Variants in TRAP1 observed in about 807,000 individuals in gnomAD.
The protein encoded by TRAP1 is heat shock protein 75 kDa, mitochondrial.
Under a neutral mutation model 89.1 loss-of-function variants are expected in TRAP1, and 102 were observed. That is an observed-to-expected ratio of 1.15 (90% confidence interval 0.98 to 1.35). The LOEUF (loss-of-function observed/expected upper bound fraction) is 1.35. Ranked by LOEUF, TRAP1 falls within the 40% of genes most tolerant of loss-of-function variation. The probability of loss-of-function intolerance (pLI) is 0.00; values close to 1 mark genes in which losing one functional copy is unlikely to be tolerated. For missense variants in TRAP1, 1,256 were observed against 945.3 expected (o/e 1.33, Z -4.31); for synonymous variants, 508 against 388.0 (o/e 1.31, Z -3.64).
intron 8 of TRAP1, chr16:3,674,806 G>A (rs779619222): frequency 1.6e-5 from 7 of 431,702 alleles, no homozygotes; most frequent in Admixed American, 3.8e-5. Context: ...AGTGTGGGCC[G>A]TGAGAGCGAT....
intron 11 of TRAP1, among the ~76,000 whole-genome samples, chr16:3,666,840 T>A (rs2050838938): frequency 6.6e-6 from 1 of 152,214 alleles, no homozygotes; most frequent in Non-Finnish European, 1.5e-5. Flanking sequence ...TACTGCAGCA[T>A]TACATAATGG....
At chr16:3,695,493 AC>A (rs1183141487) in intron 1 of TRAP1, among the ~76,000 whole-genome samples, 1 of 150,138 alleles carries the variant, frequency 6.7e-6, no homozygotes, top group Non-Finnish European at 1.5e-5. Context: ...CCGAGGTCGC[AC>A]CACTGTACTC....
chr16:3,666,434 T>G (rs1473470518), intron 11 of TRAP1, among the ~76,000 whole-genome samples: 4 of 152,028 alleles, frequency 2.6e-5, no homozygotes, highest in Non-Finnish European at 4.4e-5. Flanking sequence ...AACTGCACCT[T>G]AGGAAACATG....
At chr16:3,695,053 C>T (rs2051268204) in intron 1 of TRAP1, among the ~76,000 whole-genome samples, 1 of 152,186 alleles carries the variant, frequency 6.6e-6, no homozygotes, top group Admixed American at 6.5e-5. Flanking sequence ...TCTCCCTCTA[C>T]ACATGTCTGT....
At chr16:3,685,627 C>A (rs1281191545) in intron 4 of TRAP1, among the ~76,000 whole-genome samples, 2 of 152,196 alleles carry the variant, frequency 1.3e-5, no homozygotes. Context: ...GCAGCCACAG[C>A]ACTGCTTCGT....
intron 1 of TRAP1, among the ~76,000 whole-genome samples, chr16:3,715,552 A>G (rs958327000): frequency 6.6e-6 from 1 of 152,230 alleles, no homozygotes; most frequent in Non-Finnish European, 1.5e-5. Flanking sequence ...CATGAATCAC[A>G]AACACCTGTG....
intron 1 of TRAP1, among the ~76,000 whole-genome samples, chr16:3,697,619 G>A (rs1247053030): frequency 6.7e-6 from 1 of 148,476 alleles, no homozygotes; most frequent in Non-Finnish European, 1.5e-5. Context: ...AGCTGAGATG[G>A]CGCCACTGCA....
rs71133652 is a variant in TRAP1 at position 3,710,879 on chromosome 16, A to ATATATATATAT, written c.88+6541_88+6542insATATATATATA. ...TGTGTATATATATATATATATATAT[A>ATATATATATAT]TTTTTTTTTTTGAGACACTGTCACT... On this transcript the variant is annotated intron_variant, in intron 1 of 17. Transcript: ENST00000246957. Among the ~76,000 whole-genome samples, 11 of 125,802 alleles carry ATATATATATAT rather than the reference A, an allele frequency of 8.7e-5. No homozygotes were observed. In the East Asian group the frequency reaches 1.9e-3, roughly 22 times the overall value. 82.5% of individuals were successfully genotyped at this position (125,802 alleles called of 152,430 possible).
intron 3 of TRAP1, among the ~76,000 whole-genome samples, chr16:3,686,744 G>C (rs2051143885): frequency 6.6e-6 from 1 of 152,164 alleles, no homozygotes; most frequent in South Asian, 2.1e-4. Context: ...GCTGAAGCAG[G>C]TGGATCACTT....
At chr16:3,689,005 T>C in intron 3 of TRAP1, 50 bp downstream of exon 3, 1 of 1,536,872 alleles carries the variant, frequency 6.5e-7, no homozygotes, top group South Asian at 1.2e-5. Flanking sequence ...AAAACCAGCT[T>C]TGTGAAAAGA....
chr16:3,712,353 C>G (rs1402846092), intron 1 of TRAP1, among the ~76,000 whole-genome samples: 1 of 140,830 alleles, frequency 7.1e-6, no homozygotes, highest in Non-Finnish European at 1.5e-5. Context: ...GCAAGTATCA[C>G]AGGCCTCAGT....
chr16:3,675,859 C>T (rs1027732873), intron 7 of TRAP1, among the ~76,000 whole-genome samples, 177 bp downstream of exon 7: 6 of 152,188 alleles, frequency 3.9e-5, no homozygotes, highest in South Asian at 2.1e-4. Flanking sequence ...AGCAGGAGCT[C>T]GATGCTACGC....
At position 3,658,118 on chromosome 16, in the gene TRAP1, C is replaced by T. The variant is rs980509689; in HGVS notation, c.*11G>A. ...TCATCTGTGGTGTCAGTCCTTCTGG[C>T]CCCCTGGCTGTCAGTGTCGCTCCAG... is the stretch of plus-strand genomic sequence containing the variant. On this transcript the variant is annotated 3_prime_UTR_variant, in exon 18 of 18. Transcript: ENST00000246957. 3.7e-6 allele frequency: 6 copies of T among 1,612,794 alleles called. No homozygotes were observed. The highest frequency in any genetic ancestry group is 1.1e-5 in the South Asian group (1 of 91,002).
chr16:3,697,397 G>A (rs533657205), intron 1 of TRAP1, among the ~76,000 whole-genome samples: 1 of 151,978 alleles, frequency 6.6e-6, no homozygotes, highest in African/African-American at 2.4e-5. Context: ...AGGAGCGGTG[G>A]CTCACACCTG....
At chr16:3,679,168 G>C (rs1032389048) in intron 5 of TRAP1, among the ~76,000 whole-genome samples, 6 of 152,146 alleles carry the variant, frequency 3.9e-5, no homozygotes, top group Non-Finnish European at 5.9e-5. Flanking sequence ...GCTCGTGCCT[G>C]TAATCCCAGC....
chr16:3,687,878 C>CAAAAAAAAAAAAAAAAA (rs1555465640), intron 3 of TRAP1, among the ~76,000 whole-genome samples: 1 of 138,768 alleles, frequency 7.2e-6, no homozygotes, highest in Non-Finnish European at 1.5e-5. Context: ...AAAAAAAAAA[C>CAAAAAAAAAAAAAAAAA]AAAAACCCAC....
At chr16:3,678,348 GCCA>G (rs1282248978) in intron 5 of TRAP1, 2 of 152,238 alleles carry the variant, frequency 1.3e-5, no homozygotes, top group African/African-American at 2.4e-5. Context: ...CATTTAAACT[GCCA>G]CATGCAGCTG....
intron 16 of TRAP1, chr16:3,659,112 G>T: frequency 2.2e-6 from 1 of 446,234 alleles, no homozygotes; most frequent in Non-Finnish European, 4.0e-6. Context: ...ATACACTAAA[G>T]GGACAAAAGG....
intron 1 of TRAP1, among the ~76,000 whole-genome samples, chr16:3,700,270 C>A (rs927021493): frequency 2.0e-5 from 3 of 151,554 alleles, no homozygotes; most frequent in African/African-American, 4.9e-5. Context: ...CGGGTTCAAG[C>A]GATTCTCCTG....
Sources: gnomAD v4.1 joint callset for allele counts (sites outside exome capture counted in the v4.1 genomes callset) on GRCh38, gnomAD v4.1.1 for gene constraint, MANE v1.5 for transcripts, NCBI Gene and HGNC (gene_info 2026-07-23, HGNC 2026-07-21) for gene names.